The following GSTP1 variants were observed in gnomAD, a reference collection of about 807,000 sequenced individuals.
GSTP1 encodes the protein glutathione S-transferase pi 1, also known as glutathione S-transferase P.
Under a neutral mutation model 29.4 loss-of-function variants are expected in GSTP1, and 28 were observed. The observed-to-expected ratio is 0.95, with a 90% CI of 0.71 to 1.30. The LOEUF (loss-of-function observed/expected upper bound fraction) is 1.30, where lower values mean the gene tolerates loss of function less well. Ranked by LOEUF, GSTP1 falls within the 50% of genes most tolerant of loss-of-function variation. GSTP1 has a pLI of 0.00. For synonymous variants in GSTP1, 122 were observed against 117.0 expected (o/e 1.04, Z -0.28); for missense variants, 267 against 266.1 (o/e 1.00, Z -0.02).
At position 67,584,520 on chromosome 11, in the gene GSTP1, G is replaced by T; in HGVS notation, c.94G>T (p.Glu32Ter). 6.3e-7 allele frequency: 1 copy of T among 1,584,522 alleles called. No homozygotes were observed. Among genetic ancestry groups the T allele is most frequent in the Non-Finnish European group, 8.6e-7 (1 of 1,166,328 alleles). The change falls in exon 3 of 7, where the codon GAG becomes TAG. Residue 32 changes from glutamate to a stop codon, truncating the protein, a stop_gained. Coordinates refer to ENST00000398606, the MANE Select transcript of GSTP1 (RefSeq NM_000852.4). LOFTEE classifies it high-confidence loss of function. The stretch of plus-strand genomic sequence containing the variant: ...AGATCAGGGCCAGAGCTGGAAGGAG[G>T]AGGTGGTGACCGTGGAGACGTGGCA... ...LADQGQSWKE[E>*]VVTVETWQEG...
intron 2 of GSTP1, 145 bp from the exon 3 acceptor site, chr11:67,584,319 A>T: frequency 1.4e-6 from 1 of 727,046 alleles, no homozygotes; most frequent in Non-Finnish European, 2.3e-6. Context: ...CTCTCCCGCC[A>T]TGCCTGCTCC....
intron 2 of GSTP1, 79 bp downstream of exon 2, chr11:67,584,248 C>T: frequency 8.7e-7 from 1 of 1,154,988 alleles, no homozygotes; most frequent in Non-Finnish European, 1.3e-6. Flanking sequence ...CCGGAGAGAT[C>T]CGAACCCCCT....
intron 4 of GSTP1, 168 bp from the exon 5 acceptor site, chr11:67,584,970 G>A (rs565857967): frequency 6.3e-6 from 4 of 638,206 alleles, no homozygotes; most frequent in Admixed American, 5.3e-5. Flanking sequence ...GGTGTCAGGT[G>A]AGCTCTGAGC....
chr11:67,584,421 A>G, intron 2 of GSTP1, 43 bp from the exon 3 acceptor site: 3 of 1,113,696 alleles, frequency 2.7e-6, no homozygotes, highest in Non-Finnish European at 2.6e-6. Flanking sequence ...TGCGAGGCGG[A>G]GTCGGCCCGG....
At chr11:67,585,326 G>A (rs1308629326) in intron 5 of GSTP1, 85 bp downstream of exon 5, 1 of 940,084 alleles carries the variant, frequency 1.1e-6, no homozygotes, top group Admixed American at 2.1e-5. Context: ...CCCCTCAGGT[G>A]GCTTGGGCTG....
intron 2 of GSTP1, 132 bp from the exon 3 acceptor site, chr11:67,584,332 G>A: frequency 5.6e-6 from 4 of 715,398 alleles, no homozygotes; most frequent in Non-Finnish European, 7.1e-6. Flanking sequence ...CCTGCTCCCC[G>A]CCCCAGTGTT....
intron 4 of GSTP1, 53 bp downstream of exon 4, chr11:67,584,825 G>T (rs764069834): frequency 1.2e-5 from 16 of 1,326,792 alleles, no homozygotes; most frequent in Non-Finnish European, 1.7e-5. Flanking sequence ...CTCTGCCCCC[G>T]GAGCCCTTTT....
chr11:67,585,920 G>A (rs1005325649), intron 5 of GSTP1, among the ~76,000 whole-genome samples, 184 bp from the exon 6 acceptor site: 2 of 152,060 alleles, frequency 1.3e-5, no homozygotes, highest in African/African-American at 4.8e-5. Context: ...ACCCAGCAAG[G>A]ATGGACAGGC....
At chr11:67,585,662 T>TGTGCGCGTGCGC (rs3082937) in intron 5 of GSTP1, among the ~76,000 whole-genome samples, 2 of 150,542 alleles carry the variant, frequency 1.3e-5, no homozygotes, top group South Asian at 4.2e-4. Context: ...AGGCAGCGTG[T>TGTGCGCGTGCGC]GTGCGCGTGC....
In GSTP1 at chr11:67,585,215, T is replaced by TA. The variant is rs765946068; in HGVS notation, c.311dup (p.Tyr104Ter). 1 of 1,600,992 alleles carries TA rather than the reference T, an allele frequency of 6.2e-7. No homozygotes were observed. Among genetic ancestry groups the TA allele is most frequent in the South Asian group, 1.1e-5 (1 of 89,614 alleles). ...NDGVEDLRCK[Y>*]ISLIYTNYEA... ...CGGCGTGGAGGACCTCCGCTGCAAA[T>TA]ACATCTCCCTCATCTACACCAACTA... Residue 104 changes from tyrosine to a stop codon, truncating the protein, a stop_gained and frameshift_variant, in exon 5 of 7, where the codon TAC becomes TAAC. Transcript: ENST00000398606. LOFTEE classifies it high-confidence loss of function.
chr11:67,584,504 C>T lies in GSTP1; in HGVS notation c.78C>T (p.Gly26=). Residue 26 remains glycine, a synonymous_variant, in exon 3 of 7, where the codon GGC becomes GGT. Transcript: ENST00000398606. ...AALRMLLADQ[G]QSWKEEVVTV... ...TGCGCATGCTGCTGGCAGATCAGGG[C>T]CAGAGCTGGAAGGAGGAGGTGGTGA... The T allele has an allele frequency of 6.4e-7, 1 of 1,568,128 alleles. No homozygotes were observed.
intron 1 of GSTP1, 141 bp downstream of exon 1, chr11:67,583,985 C>A: frequency 1.5e-6 from 1 of 677,418 alleles, no homozygotes; most frequent in Non-Finnish European, 2.7e-6. Context: ...GGACCCAGGA[C>A]GTCCCCAGTG....
At chr11:67,584,326 C>T (rs1867428349) in intron 2 of GSTP1, 138 bp from the exon 3 acceptor site, 6 of 721,218 alleles carry the variant, frequency 8.3e-6, no homozygotes, top group African/African-American at 5.4e-5. Flanking sequence ...GCCATGCCTG[C>T]TCCCCGCCCC....
chr11:67,584,316 G>A lies in GSTP1; in HGVS notation c.37+147G>A, dbSNP rs989461161. 15 of 726,982 alleles carry A rather than the reference G, an allele frequency of 2.1e-5. No homozygotes were observed. In the African/African-American group the frequency reaches 2.3e-4, roughly 11 times the overall value. 45.0% of individuals were successfully genotyped at this position (726,982 alleles called of 1,614,324 possible). On this transcript the variant is annotated intron_variant, in intron 2 of 6. Coordinates refer to ENST00000398606, the MANE Select transcript of GSTP1 (RefSeq NM_000852.4). The stretch of plus-strand genomic sequence containing the variant: ...CTCCTTCCTGTTCCCCGCCTCTCCC[G>A]CCATGCCTGCTCCCCGCCCCAGTGT...
At chr11:67,585,379 G>GCCAGGGGC in intron 5 of GSTP1, 138 bp downstream of exon 5, 2 of 616,690 alleles carry the variant, frequency 3.2e-6, no homozygotes, top group South Asian at 2.0e-5. Context: ...TCAGCTCTGG[G>GCCAGGGGC]CCAGGGGCCC....
In GSTP1 at chr11:67,583,858, G is replaced by T. The variant is rs933359645; in HGVS notation, c.1+14G>T. On this transcript the variant is annotated intron_variant, in intron 1 of 6. Transcript: ENST00000398606. ...TCTTCGCCACCAGTGAGTACGCGCG[G>T]CCCGCGTCCCCGGGGATGGGGCTCA... 8.1e-6 allele frequency: 6 copies of T among 745,224 alleles called. No homozygotes were observed. Among genetic ancestry groups the T allele is most frequent in the Admixed American group, 1.8e-5 (1 of 54,168 alleles). The allele number at this position is 745,224 out of a possible 1,614,324, so 46.2% of individuals were successfully genotyped here.
In GSTP1 at chr11:67,586,146, C is replaced by G. The variant is rs765500099; in HGVS notation, c.379C>G (p.Leu127Val). The G allele has an allele frequency of 1.2e-5, 20 of 1,613,914 alleles. No individual in the cohort carries two copies. The highest frequency in any genetic ancestry group is 1.7e-5 in the Admixed American group (1 of 59,998). The change falls in exon 6 of 7, where the codon CTG (leucine) becomes GTG (valine). Residue 127 changes from leucine to valine, a missense_variant. Physicochemically the swap from Leu to Val is conservative, Grantham distance 32 (BLOSUM62 1). Transcript: ENST00000398606. ...CTATGTGAAGGCACTGCCCGGGCAA[C>G]TGAAGCCTTTTGAGACCCTGCTGTC... ...DDYVKALPGQ[L>V]KPFETLLSQN...
At chr11:67,585,295 C>T (rs531227224) in intron 5 of GSTP1, 54 bp downstream of exon 5, 2 of 1,219,642 alleles carry the variant, frequency 1.6e-6, no homozygotes, top group African/African-American at 1.5e-5. Flanking sequence ...AAAGGGGCTT[C>T]TTGTGCCCTC....
chr11:67,584,672 C>A lies in GSTP1; in HGVS notation c.145-13C>A. Reference sequence around the variant, plus strand: ...GCTCAGTGCCCCTCCCTGAGCCATGCCTCCCCCAACAGCTATACGGGCAGC... The same window carrying A: ...GCTCAGTGCCCCTCCCTGAGCCATGACTCCCCCAACAGCTATACGGGCAGC... On this transcript the variant is annotated splice_polypyrimidine_tract_variant and intron_variant, in intron 3 of 6. Transcript: ENST00000398606. 1 of 1,609,480 alleles carries A rather than the reference C, an allele frequency of 6.2e-7. No homozygotes were observed. The highest frequency in any genetic ancestry group is 8.5e-7 in the Non-Finnish European group (1 of 1,176,012).
Sources: gnomAD v4.1 joint callset for allele counts (sites outside exome capture counted in the v4.1 genomes callset) on GRCh38, gnomAD v4.1.1 for gene constraint, MANE v1.5 for transcripts, NCBI Gene and HGNC (gene_info 2026-07-23, HGNC 2026-07-21) for gene names.